SETBP1: variants seen among roughly 807,000 people sequenced by gnomAD.
SETBP1 encodes SET-binding protein.
Under a neutral mutation model 101.0 loss-of-function variants are expected in SETBP1, and 9 were observed. That is an observed-to-expected ratio of 0.09 (90% CI 0.05 to 0.16). The LOEUF is 0.16. Ranked by LOEUF, SETBP1 falls within the 10% of genes least tolerant of loss-of-function variation. SETBP1 has a pLI of 1.00. For synonymous variants in SETBP1, 818 were observed against 788.5 expected (o/e 1.04, Z -0.63); for missense variants, 1,858 against 2,033.8 (o/e 0.91, Z 1.66).
chr18:44,729,543 G>A (rs2069789664), intron 2 of SETBP1, among the ~76,000 whole-genome samples: 2 of 152,218 alleles, frequency 1.3e-5, no homozygotes, highest in Admixed American at 1.3e-4. Context: ...ATAAAGAAGG[G>A]AGGCCTTGAA....
chr18:44,974,777 C>T (rs996469642), intron 4 of SETBP1, among the ~76,000 whole-genome samples: 1 of 152,104 alleles, frequency 6.6e-6, no homozygotes, highest in East Asian at 1.9e-4. Flanking sequence ...AAAAGCAGAC[C>T]AGTTTTACCT....
chr18:44,815,559 C>T (rs1384542981), intron 2 of SETBP1, among the ~76,000 whole-genome samples: 3 of 152,170 alleles, frequency 2.0e-5, no homozygotes, highest in Non-Finnish European at 4.4e-5. Context: ...CTTTTCTGGA[C>T]ATGTTTTTTT....
chr18:45,050,585 A>G (rs1188222344), intron 5 of SETBP1, among the ~76,000 whole-genome samples: 1 of 152,206 alleles, frequency 6.6e-6, no homozygotes, highest in Non-Finnish European at 1.5e-5. Flanking sequence ...TCTTCATGAG[A>G]CAATCAGGAA....
At chr18:44,743,344 C>T (rs1330037765) in intron 2 of SETBP1, among the ~76,000 whole-genome samples, 2 of 152,124 alleles carry the variant, frequency 1.3e-5, no homozygotes, top group Non-Finnish European at 2.9e-5. Context: ...AGAAAAACAA[C>T]AACAACAACC....
chr18:44,853,634 C>G (rs2072915701), intron 2 of SETBP1, among the ~76,000 whole-genome samples: 1 of 152,174 alleles, frequency 6.6e-6, no homozygotes, highest in Non-Finnish European at 1.5e-5. Flanking sequence ...ACACACTGCC[C>G]CATCTGCATT....
At chr18:44,824,893 G>A (rs575803248) in intron 2 of SETBP1, among the ~76,000 whole-genome samples, 2 of 152,364 alleles carry the variant, frequency 1.3e-5, no homozygotes, top group Admixed American at 1.3e-4. Context: ...GAAGCAGGAA[G>A]ATAAAGGAGC....
At chr18:44,889,992 C>A (rs146735248) in intron 3 of SETBP1, among the ~76,000 whole-genome samples, 1 of 152,032 alleles carries the variant, frequency 6.6e-6, no homozygotes, top group African/African-American at 2.4e-5. Flanking sequence ...TTATGATGTA[C>A]GACATGATGT....
At chr18:45,019,570 T>C (rs2073015719) in intron 4 of SETBP1, among the ~76,000 whole-genome samples, 1 of 152,226 alleles carries the variant, frequency 6.6e-6, no homozygotes, top group Non-Finnish European at 1.5e-5. Context: ...TTCTTCTCTT[T>C]GGGAAGCTTA....
chr18:44,919,647 T>C (rs1445281522), intron 3 of SETBP1, among the ~76,000 whole-genome samples: 2 of 151,848 alleles, frequency 1.3e-5, no homozygotes, highest in Non-Finnish European at 2.9e-5. Context: ...CATGCCCGGC[T>C]AGATCCCCCC....
chr18:44,750,124 A>G (rs1414126869), intron 2 of SETBP1, among the ~76,000 whole-genome samples: 1 of 152,116 alleles, frequency 6.6e-6, no homozygotes, highest in African/African-American at 2.4e-5. Flanking sequence ...GTTTATTGAT[A>G]GGAGAAGTAA....
intron 4 of SETBP1, among the ~76,000 whole-genome samples, chr18:44,998,436 ACTTGCC>A (rs1476597309): frequency 6.6e-6 from 1 of 152,218 alleles, no homozygotes; most frequent in Non-Finnish European, 1.5e-5. Context: ...CGGAGATTTC[ACTTGCC>A]CTGCACAGAA....
chr18:44,754,081 G>A (rs1333425367), intron 2 of SETBP1, among the ~76,000 whole-genome samples: 1 of 152,154 alleles, frequency 6.6e-6, no homozygotes, highest in Non-Finnish European at 1.5e-5. Flanking sequence ...CTACAAACCA[G>A]TTCTATCCTC....
intron 4 of SETBP1, among the ~76,000 whole-genome samples, chr18:45,016,942 C>A (rs17795426): frequency 6.6e-6 from 1 of 152,028 alleles, no homozygotes; most frequent in Non-Finnish European, 1.5e-5. Flanking sequence ...TTCACGGCTG[C>A]GTGGAAGTGT....
chr18:44,771,648 G>A (rs567215415), intron 2 of SETBP1, among the ~76,000 whole-genome samples: 2 of 152,068 alleles, frequency 1.3e-5, no homozygotes, highest in African/African-American at 2.4e-5. Context: ...CATTCATCTC[G>A]GGCCTCCCTT....
At position 44,850,618 on chromosome 18, in the gene SETBP1, G is replaced by C. The variant is rs113454817; in HGVS notation, c.487-18612G>C. ...ACTCCTAACCTCAGGTGATCTGCCT[G>C]CCTCAGCCTCCCAAAGTGCTGGAAT... On this transcript the variant is annotated intron_variant, in intron 2 of 5. Transcript: ENST00000649279. Among the ~76,000 whole-genome samples the C allele has an allele frequency of 3.0e-3, 460 of 152,152 alleles. 3 individuals carry two copies. The highest frequency in any genetic ancestry group is 4.4e-3 in the Non-Finnish European group (300 of 67,982).
At chr18:44,900,764 A>C (rs1399947079) in intron 3 of SETBP1, among the ~76,000 whole-genome samples, 1 of 152,170 alleles carries the variant, frequency 6.6e-6, no homozygotes, top group Non-Finnish European at 1.5e-5. Flanking sequence ...TTCTGAGCAC[A>C]CACTAGTTGG....
chr18:44,787,549 T>G (rs972218304), intron 2 of SETBP1, among the ~76,000 whole-genome samples: 7 of 152,010 alleles, frequency 4.6e-5, no homozygotes, highest in Non-Finnish European at 8.8e-5. Context: ...ACTGTAGTAG[T>G]TGGTCATTTA....
At chr18:44,834,443 G>A (rs1175151203) in intron 2 of SETBP1, among the ~76,000 whole-genome samples, 1 of 152,162 alleles carries the variant, frequency 6.6e-6, no homozygotes, top group Non-Finnish European at 1.5e-5. Flanking sequence ...GGCCAATTCA[G>A]AGCTGTGAGT....
chr18:45,061,675 G>A lies in SETBP1; in HGVS notation c.4172-1404G>A, dbSNP rs556584938. 7.9e-5 allele frequency among the ~76,000 whole-genome samples: 12 copies of A among 152,288 alleles called. No homozygotes were observed. The South Asian group carries it at 2.5e-3, about 32-fold the overall frequency. On this transcript the variant is annotated intron_variant, in intron 5 of 5. Coordinates refer to ENST00000649279, the MANE Select transcript of SETBP1 (RefSeq NM_015559.3). The stretch of plus-strand genomic sequence containing the variant: ...TGGGCACAGCATGAGAGAGAAATGG[G>A]ACAAAGCAGAGGAAAGAATCAAGTG...
Sources: gnomAD v4.1 joint callset for allele counts (sites outside exome capture counted in the v4.1 genomes callset) on GRCh38, gnomAD v4.1.1 for gene constraint, MANE v1.5 for transcripts, NCBI Gene and HGNC (gene_info 2026-07-23, HGNC 2026-07-21) for gene names.